PHF8: variants seen among roughly 807,000 people sequenced by gnomAD.
PHF8 encodes PHD finger protein 8.
In PHF8, 9 loss-of-function variants were observed where a neutral mutation model predicts 74.4. The ratio of observed to expected loss-of-function variants is 0.12; its 90% confidence interval spans 0.07 to 0.21. The LOEUF (loss-of-function observed/expected upper bound fraction) is 0.21. Ranked by LOEUF, PHF8 falls within the 10% of genes least tolerant of loss-of-function variation. PHF8 has a pLI of 1.00. For missense variants in PHF8, 478 were observed against 816.6 expected, an observed-to-expected ratio of 0.59 and a Z score of 5.05; for synonymous variants, 311 against 316.6, an observed-to-expected ratio of 0.98 and a Z score of 0.19.
intron 11 of PHF8, 168 bp downstream of exon 11, chrX:53,999,698 CAGAA>C (rs1431741077): frequency 1.6e-5 from 7 of 431,019 alleles, no homozygotes; most frequent in South Asian, 3.7e-5. Flanking sequence ...TTTTTATCAT[CAGAA>C]AGAAAGATTT....
chrX:53,995,978 AC>A (rs2065740566), intron 11 of PHF8, among the ~76,000 whole-genome samples, 196 bp from the exon 12 acceptor site: 1 of 111,430 alleles, frequency 9.0e-6, no homozygotes, highest in South Asian at 3.7e-4. Context: ...ACACACAAAC[AC>A]AAACTTAAAA....
intron 19 of PHF8, among the ~76,000 whole-genome samples, chrX:53,954,569 A>G (rs942544065): frequency 9.5e-6 from 1 of 105,761 alleles, no homozygotes. Context: ...GTAACACGTA[A>G]GATTTTGCTT....
chrX:54,024,126 TA>T (rs1341412143), intron 2 of PHF8, among the ~76,000 whole-genome samples: 2 of 111,648 alleles, frequency 1.8e-5, no homozygotes, highest in Non-Finnish European at 3.8e-5. Context: ...ATAATGTATA[TA>T]AAGTGCACAG....
At chrX:54,003,420 G>A (rs184431889) in intron 8 of PHF8, among the ~76,000 whole-genome samples, 2,302 of 111,571 alleles carry the variant, frequency 0.021, 29 homozygotes, top group Middle Eastern at 0.032. Context: ...ATTTTGGGAG[G>A]CCGAGGCGGG....
chrX:53,960,108 C>T (rs1244686306), intron 19 of PHF8, among the ~76,000 whole-genome samples: 1 of 108,953 alleles, frequency 9.2e-6, no homozygotes, highest in Non-Finnish European at 1.9e-5. Context: ...CAGAGTCTCG[C>T]TCTGTCACCC....
chrX:54,004,895 G>T (rs2065874549), intron 8 of PHF8, among the ~76,000 whole-genome samples: 1 of 106,209 alleles, frequency 9.4e-6, no homozygotes, highest in East Asian at 2.9e-4. Flanking sequence ...CTGCACTCCA[G>T]CCTGGGTGCT....
intron 2 of PHF8, among the ~76,000 whole-genome samples, chrX:54,027,349 T>C (rs2066283047): frequency 9.0e-6 from 1 of 110,678 alleles, no homozygotes; most frequent in Non-Finnish European, 1.9e-5. Context: ...TGATAATGAC[T>C]CCTCTTTTGA....
intron 18 of PHF8, among the ~76,000 whole-genome samples, chrX:53,972,321 CAAAAAAAAAAAA>C (rs1236817498): frequency 2.9e-5 from 1 of 34,163 alleles, no homozygotes; most frequent in African/African-American, 1.0e-4. Context: ...GACGCTGTCT[CAAAAAAAAAAAA>C]AAAAAAAAAA....
At chrX:53,997,174 G>T (rs894280568) in intron 11 of PHF8, among the ~76,000 whole-genome samples, 1 of 111,790 alleles carries the variant, frequency 8.9e-6, no homozygotes, top group Non-Finnish European at 1.9e-5. Flanking sequence ...CACTTGTGAG[G>T]AAAGAACTCT....
intron 2 of PHF8, among the ~76,000 whole-genome samples, chrX:54,026,986 G>A (rs1287109585): frequency 9.0e-6 from 1 of 111,276 alleles, no homozygotes; most frequent in East Asian, 2.8e-4. Flanking sequence ...TAAGTAATCA[G>A]AGGTGAACTA....
At chrX:53,946,272 C>CT (rs2064830762) in intron 19 of PHF8, among the ~76,000 whole-genome samples, 1 of 112,430 alleles carries the variant, frequency 8.9e-6, no homozygotes, top group African/African-American at 3.2e-5. Flanking sequence ...GAGATTACCA[C>CT]TTTAAGTATG....
intron 2 of PHF8, among the ~76,000 whole-genome samples, chrX:54,034,793 C>T (rs1557113548): frequency 1.0e-5 from 1 of 100,055 alleles, no homozygotes; most frequent in Non-Finnish European, 2.0e-5. Context: ...CACTGCACTC[C>T]AGCCTGGGCG....
At chrX:53,943,507 G>A (rs1433173915) in intron 20 of PHF8, 9 of 807,288 alleles carry the variant, frequency 1.1e-5, no homozygotes, top group Non-Finnish European at 1.3e-5. Flanking sequence ...GCTTAACAGT[G>A]CTCTAAGCTA....
At chrX:54,035,538 T>C (rs1221528787) in intron 2 of PHF8, among the ~76,000 whole-genome samples, 2 of 110,334 alleles carry the variant, frequency 1.8e-5, no homozygotes, top group South Asian at 7.7e-4. Flanking sequence ...TCCCAGCACT[T>C]TGGGAGGCTG....
At chrX:53,946,898 A>C (rs1772834600) in intron 19 of PHF8, among the ~76,000 whole-genome samples, 1 of 112,239 alleles carries the variant, frequency 8.9e-6, no homozygotes, top group African/African-American at 3.2e-5. Flanking sequence ...GTTTGCTTTC[A>C]AGCAAAGAAA....
chrX:53,943,716 A>G (rs1244993843), intron 20 of PHF8, among the ~76,000 whole-genome samples: 1 of 112,078 alleles, frequency 8.9e-6, no homozygotes, highest in Admixed American at 9.5e-5. Context: ...ATTATTTCAT[A>G]AAGAGGACAA....
Position 54,044,085 on chromosome X carries a change from GC to G in PHF8, c.-417del. ...CGCGCGGCGCCAGCCGCTCAACGGT[GC>G]TTCAGAGCAGCCTCCTCCACAACAT... On this transcript the variant is annotated 5_prime_UTR_variant, in exon 1 of 22. Transcript: ENST00000338154. 4 of 755,249 alleles carry G rather than the reference GC, an allele frequency of 5.3e-6. No homozygotes were observed. The highest frequency in any genetic ancestry group is 6.3e-6 in the Non-Finnish European group (4 of 639,511). 62.2% of individuals were successfully genotyped at this position (755,249 alleles called of 1,213,427 possible).
intron 14 of PHF8, among the ~76,000 whole-genome samples, chrX:53,990,977 T>C (rs1247820666): frequency 8.9e-6 from 1 of 111,855 alleles, no homozygotes; most frequent in Non-Finnish European, 1.9e-5. Flanking sequence ...AAGTATTAAT[T>C]ATATGGCAGG....
At chrX:54,020,174 G>A (rs377524216) in intron 4 of PHF8, among the ~76,000 whole-genome samples, 56 of 111,979 alleles carry the variant, frequency 5.0e-4, no homozygotes, top group African/African-American at 1.8e-3. Context: ...GGACAAGAGC[G>A]AGACATCGTC....
Sources: gnomAD v4.1 joint callset for allele counts (sites outside exome capture counted in the v4.1 genomes callset) on GRCh38, gnomAD v4.1.1 for gene constraint, MANE v1.5 for transcripts, NCBI Gene and HGNC (gene_info 2026-07-23, HGNC 2026-07-21) for gene names.